REPS2: variants seen among roughly 807,000 people sequenced by gnomAD.
The protein encoded by REPS2 is RALBP1 associated Eps domain containing 2.
Under a neutral mutation model 53.6 loss-of-function variants are expected in REPS2, and 23 were observed. The ratio of observed to expected loss-of-function variants is 0.43; its 90% CI spans 0.31 to 0.61. The LOEUF (loss-of-function observed/expected upper bound fraction) is 0.61, where lower values mean the gene tolerates loss of function less well. Among genes scored for constraint, REPS2 ranks in the 20% least tolerant of loss-of-function variants. REPS2 has a pLI of 0.11. For missense variants in REPS2, 446 were observed against 534.9 expected, an observed-to-expected ratio of 0.83 and a Z score of 1.64; for synonymous variants, 238 against 218.6, an observed-to-expected ratio of 1.09 and a Z score of -0.78.
intron 6 of REPS2, among the ~76,000 whole-genome samples, chrX:17,050,880 T>C (rs1318813198): frequency 9.0e-6 from 1 of 111,689 alleles, no homozygotes; most frequent in Non-Finnish European, 1.9e-5. Context: ...CTTTAAGTTA[T>C]TTAAAATATA....
chrX:17,103,136 A>G (rs2062829582), intron 13 of REPS2, among the ~76,000 whole-genome samples: 1 of 112,013 alleles, frequency 8.9e-6, no homozygotes, highest in Admixed American at 9.5e-5. Context: ...ATCCCTGATA[A>G]TAAATATTAG....
the REPS2 span, among the ~76,000 whole-genome samples, chrX:17,172,541 ACTT>A: frequency 1.3e-4 from 14 of 111,873 alleles, no homozygotes; most frequent in African/African-American, 4.6e-4. Context: ...AGCCAATTAA[ACTT>A]CTTTTCTTTA....
At chrX:17,140,250 A>AT (rs910664526) in intron 17 of REPS2, among the ~76,000 whole-genome samples, 4 of 109,188 alleles carry the variant, frequency 3.7e-5, no homozygotes, top group African/African-American at 1.0e-4. Context: ...TAATATTATT[A>AT]TTTTTTTTTC....
intron 1 of REPS2, among the ~76,000 whole-genome samples, chrX:17,005,983 A>C (rs1334625364): frequency 8.9e-6 from 1 of 111,792 alleles, no homozygotes; most frequent in African/African-American, 3.3e-5. Context: ...TTGGAAGAGG[A>C]GGAATAATCA....
chrX:17,187,240 T>C, the REPS2 span, among the ~76,000 whole-genome samples: 5 of 111,548 alleles, frequency 4.5e-5, no homozygotes, highest in Non-Finnish European at 9.4e-5. Context: ...TTTTGCTCTT[T>C]CATTATGGGA....
rs749728460 is a variant in REPS2 at position 16,950,678 on chromosome X, C to G, written c.273+3544C>G. Among the ~76,000 whole-genome samples the G allele has an allele frequency of 3.5e-5, 4 of 112,749 alleles. No homozygotes were observed. In the South Asian group the frequency reaches 1.5e-3, roughly 41 times the overall value. On this transcript the variant is annotated intron_variant, in intron 1 of 17. Transcript: ENST00000357277. ...CAACACAATCTCTGTCTTCATGGAG[C>G]TTATGTTCTCATGTGAATGTTTTTA...
At chrX:17,051,097 G>A (rs2061996521) in intron 6 of REPS2, among the ~76,000 whole-genome samples, 2 of 111,366 alleles carry the variant, frequency 1.8e-5, no homozygotes, top group African/African-American at 6.5e-5. Flanking sequence ...TCCCACAAAT[G>A]AGAACATGCG....
At chrX:17,157,340 T>G (rs749894132), downstream of REPS2, among the ~76,000 whole-genome samples, 1 of 111,714 alleles carries the variant, frequency 9.0e-6, no homozygotes, top group East Asian at 2.8e-4. Flanking sequence ...GATCTATTGT[T>G]CTGCTTCTGC....
the REPS2 span, among the ~76,000 whole-genome samples, chrX:17,192,630 A>G: frequency 9.0e-6 from 1 of 111,705 alleles, no homozygotes; most frequent in African/African-American, 3.3e-5. Context: ...TTTTTGGTCT[A>G]ACATTTAGTT....
At chrX:17,173,225 T>C in the REPS2 span, among the ~76,000 whole-genome samples, 56 of 112,032 alleles carry the variant, frequency 5.0e-4, no homozygotes, top group African/African-American at 1.8e-3. Context: ...ACAAGGTTGC[T>C]AGCATGAGGT....
intron 1 of REPS2, among the ~76,000 whole-genome samples, chrX:16,997,697 C>G (rs2061249121): frequency 8.9e-6 from 1 of 112,612 alleles, no homozygotes; most frequent in Admixed American, 9.4e-5. Flanking sequence ...TAGAATTACT[C>G]TGTCAAGCCT....
chrX:17,104,607 A>G (rs897252577), intron 14 of REPS2, among the ~76,000 whole-genome samples: 2 of 111,704 alleles, frequency 1.8e-5, no homozygotes, highest in African/African-American at 6.5e-5. Flanking sequence ...AGTCACTGAA[A>G]CCACTTTTAA....
At chrX:17,168,112 CAT>C in the REPS2 span, among the ~76,000 whole-genome samples, 5 of 111,943 alleles carry the variant, frequency 4.5e-5, no homozygotes, top group African/African-American at 1.6e-4. Flanking sequence ...CAAGTCGGCA[CAT>C]GTATCTTTCT....
the REPS2 span, among the ~76,000 whole-genome samples, chrX:17,181,658 T>C: frequency 8.9e-6 from 1 of 112,370 alleles, no homozygotes; most frequent in Non-Finnish European, 1.9e-5. Flanking sequence ...TCAATAGTGG[T>C]TGATCCATAG....
intron 1 of REPS2, among the ~76,000 whole-genome samples, chrX:16,986,835 G>A (rs2061096827): frequency 9.0e-6 from 1 of 110,626 alleles, no homozygotes; most frequent in Non-Finnish European, 1.9e-5. Context: ...ACTAGGGGGA[G>A]CGGGGGATGG....
rs965043731 is a variant in REPS2 at position 17,151,177 on chromosome X, T to A, written c.*3696T>A. 3.6e-5 allele frequency: 4 copies of A among 112,364 alleles called. No individual in the cohort carries two copies. Among genetic ancestry groups the A allele is most frequent in the African/African-American group, 1.3e-4 (4 of 30,922 alleles). 9.3% of individuals were successfully genotyped at this position (112,364 alleles called of 1,213,427 possible). A position where few individuals can be genotyped will look rare whatever the true frequency, so the allele number is the denominator to read the frequency against. ...CGATTGAAATGAACTCAATATGTAG[T>A]TAAGTTATAGTTTTCTTCAATGTAT... is the stretch of plus-strand genomic sequence containing the variant. On this transcript the variant is annotated 3_prime_UTR_variant, in exon 18 of 18. Transcript: ENST00000357277.
intron 8 of REPS2, among the ~76,000 whole-genome samples, chrX:17,062,091 GT>G (rs1246485720): frequency 8.9e-6 from 1 of 112,347 alleles, no homozygotes; most frequent in Non-Finnish European, 1.9e-5. Flanking sequence ...GATAGTGATG[GT>G]TATTGTGGAA....
At chrX:16,979,993 T>C in intron 1 of REPS2, among the ~76,000 whole-genome samples, 1 of 112,070 alleles carries the variant, frequency 8.9e-6, no homozygotes, top group Admixed American at 9.5e-5. Context: ...TCTTTGAGTT[T>C]GTCCTCAATA....
chrX:17,129,745 T>G (rs75975288), intron 14 of REPS2, among the ~76,000 whole-genome samples: 3,735 of 112,445 alleles, frequency 0.033, 64 homozygotes, highest in Middle Eastern at 0.097. Flanking sequence ...TCTGCTGTGC[T>G]TTGGAATCCT....
Sources: gnomAD v4.1 joint callset for allele counts (sites outside exome capture counted in the v4.1 genomes callset) on GRCh38, gnomAD v4.1.1 for gene constraint, MANE v1.5 for transcripts, NCBI Gene and HGNC (gene_info 2026-07-23, HGNC 2026-07-21) for gene names.